Variants in CTDSPL observed in about 807,000 individuals in gnomAD.
The protein encoded by CTDSPL is CTD small phosphatase-like protein.
In CTDSPL, 8 loss-of-function variants were observed where a neutral mutation model predicts 30.5. The ratio of observed to expected loss-of-function variants is 0.26; its 90% CI spans 0.15 to 0.47. The LOEUF (loss-of-function observed/expected upper bound fraction) is 0.47, where lower values mean the gene tolerates loss of function less well. Ranked by LOEUF, CTDSPL falls within the 20% of genes least tolerant of loss-of-function variation. The pLI, the probability that CTDSPL is intolerant of heterozygous loss-of-function variation, is 0.99. For synonymous variants in CTDSPL, 110 were observed against 137.9 expected (o/e 0.80, Z 1.42); for missense variants, 248 against 366.1 (o/e 0.68, Z 2.63).
rs555771694 is a variant in CTDSPL at position 37,889,963 on chromosome 3, CT to C, written c.79+27687del. Among the ~76,000 whole-genome samples the C allele has an allele frequency of 2.2e-4, 34 of 152,256 alleles. 1 individual carries two copies. The South Asian group carries it at 6.8e-3, about 31-fold the overall frequency. On this transcript the variant is annotated intron_variant, in intron 1 of 7. Coordinates refer to ENST00000273179, the MANE Select transcript of CTDSPL (RefSeq NM_001008392.2). ...AAATCTGCAAGGACTGAAAATTTTG[CT>C]TCCTGCGGATTTTTTTCTAGGAAAC...
At chr3:37,940,173 G>A (rs544738847) in intron 1 of CTDSPL, among the ~76,000 whole-genome samples, 1 of 150,554 alleles carries the variant, frequency 6.6e-6, no homozygotes, top group East Asian at 1.9e-4. Context: ...CACCAAGAGT[G>A]CTCTGCACTT....
At chr3:37,949,785 A>G (rs530151671) in intron 2 of CTDSPL, among the ~76,000 whole-genome samples, 1 of 152,370 alleles carries the variant, frequency 6.6e-6, no homozygotes, top group African/African-American at 2.4e-5. Flanking sequence ...AGATGGCTCT[A>G]TTAAAATTCC....
chr3:37,968,287 C>T (rs1470240963), intron 5 of CTDSPL: 1 of 456,268 alleles, frequency 2.2e-6, no homozygotes, highest in Admixed American at 2.4e-5. Context: ...ATTTTCAATG[C>T]CAGCTGCTCC....
rs538008553 is a variant in CTDSPL at position 37,971,581 on chromosome 3, C to G, written c.519+82C>G. 13 of 1,329,816 alleles carry G rather than the reference C, an allele frequency of 9.8e-6. No homozygotes were observed. The African/African-American group carries it at 1.7e-4, about 18-fold the overall frequency. The allele number at this position is 1,329,816 out of a possible 1,614,324, so 82.4% of individuals were successfully genotyped here. A position where few individuals can be genotyped will look rare whatever the true frequency, so the allele number is the denominator to read the frequency against. ...CCTACCCCCAATCTGTCAAGCAGCCCTTTGTTTTGGTGGGGGAAGCCATTT... is the reference window on the plus strand; with the variant it reads ...CCTACCCCCAATCTGTCAAGCAGCCGTTTGTTTTGGTGGGGGAAGCCATTT... On this transcript the variant is annotated intron_variant, in intron 6 of 7. Coordinates refer to ENST00000273179, the MANE Select transcript of CTDSPL (RefSeq NM_001008392.2).
intron 1 of CTDSPL, among the ~76,000 whole-genome samples, chr3:37,893,595 A>G (rs76089908): frequency 0.014 from 2,146 of 152,264 alleles, 54 homozygotes; most frequent in African/African-American, 0.048. Flanking sequence ...TCATTTGCCT[A>G]CCCTTCATTT....
In CTDSPL at chr3:37,984,438, C is replaced by T. The variant is rs544605013; in HGVS notation, c.*3571C>T. 1.4e-4 allele frequency: 56 copies of T among 391,648 alleles called. No individual in the cohort carries two copies. The Middle Eastern group carries it at 3.3e-3, about 23-fold the overall frequency. The allele number at this position is 391,648 out of a possible 1,614,324, so 24.3% of individuals were successfully genotyped here. On this transcript the variant is annotated 3_prime_UTR_variant, in exon 8 of 8. Coordinates refer to ENST00000273179, the MANE Select transcript of CTDSPL (RefSeq NM_001008392.2). Reference sequence around the variant, plus strand: ...CAATCAAAAGGTTTGCAATGATTTCCTTCCTGCCAAAAATAAACATGTGAA... The same window carrying T: ...CAATCAAAAGGTTTGCAATGATTTCTTTCCTGCCAAAAATAAACATGTGAA...
chr3:37,902,661 G>C lies in CTDSPL; in HGVS notation c.79+40383G>C, dbSNP rs113438822. Among the ~76,000 whole-genome samples the C allele has an allele frequency of 1.0e-3, 156 of 152,214 alleles. 1 individual carries two copies. Among genetic ancestry groups the C allele is most frequent in the African/African-American group, 3.5e-3 (147 of 41,530 alleles). On this transcript the variant is annotated intron_variant, in intron 1 of 7. Transcript: ENST00000273179. Reference sequence around the variant, plus strand: ...TATTCTCACCCCAACTGCTGTCTCTGCTGCTTCTGCTGCATCTCACATTCA... The same window carrying C: ...TATTCTCACCCCAACTGCTGTCTCTCCTGCTTCTGCTGCATCTCACATTCA...
intron 4 of CTDSPL, among the ~76,000 whole-genome samples, chr3:37,966,425 T>C (rs771153311): frequency 2.0e-5 from 3 of 152,240 alleles, no homozygotes; most frequent in Non-Finnish European, 4.4e-5. Flanking sequence ...GAGTCTCCTT[T>C]ATACCAGCAG....
chr3:37,894,179 T>C (rs1698364581), intron 1 of CTDSPL, among the ~76,000 whole-genome samples: 1 of 152,148 alleles, frequency 6.6e-6, no homozygotes, highest in Admixed American at 6.5e-5. Context: ...ACTCCTGGGC[T>C]CAAGTGATTC....
chr3:37,868,606 G>GT (rs1698038854), intron 1 of CTDSPL, among the ~76,000 whole-genome samples: 1 of 151,950 alleles, frequency 6.6e-6, no homozygotes, highest in Admixed American at 6.6e-5. Flanking sequence ...CTTTGGTTTG[G>GT]TTTTTTGTCT....
chr3:37,889,927 A>C (rs539070513), intron 1 of CTDSPL, among the ~76,000 whole-genome samples: 1 of 152,348 alleles, frequency 6.6e-6, no homozygotes, highest in Non-Finnish European at 1.5e-5. Context: ...AGACAGAACA[A>C]AGACATTTAA....
chr3:37,952,032 C>A (rs966566529), intron 2 of CTDSPL, among the ~76,000 whole-genome samples: 4 of 152,198 alleles, frequency 2.6e-5, no homozygotes, highest in African/African-American at 9.6e-5. Flanking sequence ...AAGAAAACTG[C>A]TGGGCACGGT....
intron 1 of CTDSPL, among the ~76,000 whole-genome samples, chr3:37,865,947 G>A (rs1175459912): frequency 1.3e-5 from 2 of 152,234 alleles, no homozygotes; most frequent in Admixed American, 6.5e-5. Context: ...GTGGGAGGCA[G>A]GAGGGGAGAA....
At chr3:37,962,674 C>T (rs1575319849) in intron 3 of CTDSPL, among the ~76,000 whole-genome samples, 1 of 152,108 alleles carries the variant, frequency 6.6e-6, no homozygotes, top group Non-Finnish European at 1.5e-5. Flanking sequence ...CCTTATTTTC[C>T]AGGCTAACAA....
intron 1 of CTDSPL, among the ~76,000 whole-genome samples, chr3:37,872,696 T>G (rs1698089499): frequency 6.7e-6 from 1 of 149,980 alleles, no homozygotes; most frequent in South Asian, 2.1e-4. Flanking sequence ...TGCCTAAGCC[T>G]CCTGAGTAGC....
chr3:37,907,446 T>C (rs918241889), intron 1 of CTDSPL, among the ~76,000 whole-genome samples: 2 of 152,164 alleles, frequency 1.3e-5, no homozygotes, highest in African/African-American at 4.8e-5. Flanking sequence ...AGGAAAAAAT[T>C]AAGAGACTTA....
chr3:37,880,178 A>G (rs1698187348), intron 1 of CTDSPL, among the ~76,000 whole-genome samples: 7 of 150,736 alleles, frequency 4.6e-5, no homozygotes, highest in Admixed American at 4.6e-4. Flanking sequence ...AAAAGCCTTA[A>G]GATATAGGTA....
At position 37,914,288 on chromosome 3, in the gene CTDSPL, C is replaced by T. The variant is rs539313053; in HGVS notation, c.80-32769C>T. Among the ~76,000 whole-genome samples, 3 of 152,178 alleles carry T rather than the reference C, an allele frequency of 2.0e-5. No homozygotes were observed. The East Asian group carries it at 5.8e-4, about 29-fold the overall frequency. ...ACTGTTTAGTTTAGGAATTTATCTG[C>T]AGATTGTTTTGGATTTTCTACACAT... On this transcript the variant is annotated intron_variant, in intron 1 of 7. Coordinates refer to ENST00000273179, the MANE Select transcript of CTDSPL (RefSeq NM_001008392.2).
At chr3:37,923,352 G>A (rs535943011) in intron 1 of CTDSPL, among the ~76,000 whole-genome samples, 142 of 152,340 alleles carry the variant, frequency 9.3e-4, no homozygotes, top group Admixed American at 3.3e-3. Context: ...TGAAAATGCT[G>A]TGAAGACTTC....
Sources: allele counts gnomAD v4.1 joint callset (sites outside exome capture counted in the v4.1 genomes callset), GRCh38; gene constraint gnomAD v4.1.1; transcripts MANE v1.5; gene names NCBI Gene and HGNC (gene_info 2026-07-23, HGNC 2026-07-21).